LRMDA: variants seen among roughly 807,000 people sequenced by gnomAD.
LRMDA encodes leucine-rich melanocyte differentiation-associated protein.
Under a neutral mutation model 29.8 loss-of-function variants are expected in LRMDA, and 18 were observed. The observed-to-expected ratio is 0.60, with a 90% confidence interval of 0.42 to 0.90. The LOEUF (loss-of-function observed/expected upper bound fraction) is 0.90. Among genes scored for constraint, LRMDA ranks in the 40% least tolerant of loss-of-function variants. The pLI, the probability that LRMDA is intolerant of heterozygous loss-of-function variation, is 0.00. For missense variants in LRMDA, 273 were observed against 273.9 expected (o/e 1.00, Z 0.02); for synonymous variants, 125 against 109.4 (o/e 1.14, Z -0.89).
chr10:75,817,670 A>C (rs1321115332), intron 2 of LRMDA, among the ~76,000 whole-genome samples: 1 of 152,230 alleles, frequency 6.6e-6, no homozygotes, highest in African/African-American at 2.4e-5. Flanking sequence ...ATAAAAGAGA[A>C]GACACACATC....
intron 5 of LRMDA, among the ~76,000 whole-genome samples, chr10:76,304,858 C>T (rs573303267): frequency 1.3e-4 from 20 of 152,100 alleles, no homozygotes; most frequent in East Asian, 9.7e-4. Context: ...CAGTGCCCTG[C>T]GGGAGCAGGA....
chr10:76,106,616 C>T (rs1475014789), intron 5 of LRMDA, among the ~76,000 whole-genome samples: 1 of 152,156 alleles, frequency 6.6e-6, no homozygotes, highest in Non-Finnish European at 1.5e-5. Flanking sequence ...ATTTTTTCTC[C>T]CCCAGGCCCA....
At chr10:75,566,240 G>A (rs761670746) in intron 2 of LRMDA, among the ~76,000 whole-genome samples, 11 of 152,014 alleles carry the variant, frequency 7.2e-5, no homozygotes, top group South Asian at 2.1e-4. Context: ...CTCATTGCTC[G>A]TTCCTTCTCC....
At chr10:76,198,059 T>G (rs1452193939) in intron 5 of LRMDA, among the ~76,000 whole-genome samples, 1 of 152,218 alleles carries the variant, frequency 6.6e-6, no homozygotes, top group African/African-American at 2.4e-5. Context: ...AGTGATTCAG[T>G]AGGACCATGT....
chr10:76,544,411 A>G (rs73276755), intron 6 of LRMDA, among the ~76,000 whole-genome samples: 8,110 of 152,216 alleles, frequency 0.053, 270 homozygotes, highest in African/African-American at 0.088. Context: ...AACACCTGGT[A>G]CCACCCACTG....
At chr10:75,579,167 A>G (rs1020320710) in intron 2 of LRMDA, among the ~76,000 whole-genome samples, 10 of 152,204 alleles carry the variant, frequency 6.6e-5, no homozygotes, top group Non-Finnish European at 1.3e-4. Flanking sequence ...AAATAGATAG[A>G]CCACTAGCTA....
At chr10:76,256,064 G>A (rs775834564) in intron 5 of LRMDA, among the ~76,000 whole-genome samples, 10 of 152,280 alleles carry the variant, frequency 6.6e-5, no homozygotes, top group Non-Finnish European at 1.2e-4. Flanking sequence ...CCTGAATCCT[G>A]AAAGAGGGAA....
chr10:75,622,809 A>T (rs1459017229), intron 2 of LRMDA, among the ~76,000 whole-genome samples: 1 of 152,236 alleles, frequency 6.6e-6, no homozygotes, highest in African/African-American at 2.4e-5. Flanking sequence ...CACTGCTTTT[A>T]AAAATACCAA....
intron 2 of LRMDA, among the ~76,000 whole-genome samples, chr10:75,809,819 GC>G (rs764985136): frequency 1.1e-4 from 17 of 152,234 alleles, no homozygotes; most frequent in Non-Finnish European, 7.3e-5. Context: ...CAGGAGGTCA[GC>G]GAAGGCTTTC....
At chr10:75,819,623 T>C (rs1173223576) in intron 2 of LRMDA, among the ~76,000 whole-genome samples, 1 of 152,078 alleles carries the variant, frequency 6.6e-6, no homozygotes. Context: ...CCAGTGAAAT[T>C]TGGTGATTGG....
chr10:76,165,839 C>A (rs867097566), intron 5 of LRMDA, among the ~76,000 whole-genome samples: 2 of 152,212 alleles, frequency 1.3e-5, no homozygotes, highest in African/African-American at 4.8e-5. Context: ...ATAGTGGGAG[C>A]TACAATTCAA....
chr10:75,771,991 A>G (rs962660438), intron 2 of LRMDA, among the ~76,000 whole-genome samples: 1 of 152,198 alleles, frequency 6.6e-6, no homozygotes, highest in Non-Finnish European at 1.5e-5. Flanking sequence ...GGAAAGCAGT[A>G]TGTAATAGTA....
intron 6 of LRMDA, among the ~76,000 whole-genome samples, chr10:76,541,289 T>A (rs1843351870): frequency 6.6e-6 from 1 of 152,024 alleles, no homozygotes; most frequent in Admixed American, 6.6e-5. Flanking sequence ...TTACTTGAGG[T>A]CAGGAGGTCG....
intron 2 of LRMDA, among the ~76,000 whole-genome samples, chr10:75,898,695 TG>T (rs1845624195): frequency 6.6e-6 from 1 of 152,022 alleles, no homozygotes; most frequent in Admixed American, 6.6e-5. Context: ...ACTCAAGAAA[TG>T]TCTAAGATAA....
intron 5 of LRMDA, among the ~76,000 whole-genome samples, chr10:76,079,522 T>C (rs1849016889): frequency 6.6e-6 from 1 of 152,140 alleles, no homozygotes; most frequent in African/African-American, 2.4e-5. Flanking sequence ...CAATAAAGTC[T>C]CATTGAGTTG....
At chr10:75,757,591 C>G (rs925194891) in intron 2 of LRMDA, among the ~76,000 whole-genome samples, 2 of 152,068 alleles carry the variant, frequency 1.3e-5, no homozygotes, top group African/African-American at 4.8e-5. Flanking sequence ...GTCTTGACCA[C>G]TTTTCCGTCT....
intron 2 of LRMDA, among the ~76,000 whole-genome samples, chr10:75,894,145 T>C (rs922780838): frequency 6.6e-6 from 1 of 152,160 alleles, no homozygotes; most frequent in Non-Finnish European, 1.5e-5. Context: ...CAGTATACAC[T>C]GCATCCTATT....
Position 76,319,948 on chromosome 10 carries a change from C to T in LRMDA, c.517-4453C>T, listed in dbSNP as rs566500065. On this transcript the variant is annotated intron_variant, in intron 5 of 6. Transcript: ENST00000611255. ...CTTTGTAGCTGCCCCCTTCTTGTTTCGAAGTCTGCCAAATCTCTCCTCCTG... is the reference window on the plus strand; with the variant it reads ...CTTTGTAGCTGCCCCCTTCTTGTTTTGAAGTCTGCCAAATCTCTCCTCCTG... Among the ~76,000 whole-genome samples, 92 of 152,264 alleles carry T rather than the reference C, an allele frequency of 6.0e-4. 1 individual carries two copies. Among genetic ancestry groups the T allele is most frequent in the African/African-American group, 2.0e-3 (85 of 41,546 alleles).
rs544536333 is a variant in LRMDA at position 76,409,617 on chromosome 10, T to C, written c.601+85132T>C. On this transcript the variant is annotated intron_variant, in intron 6 of 6. Transcript: ENST00000611255. ...GTTGTGATCCTGTTGAAAATTGACA[T>C]TTTTATTTTACTTTTTCAATGAACA... 1.1e-4 allele frequency among the ~76,000 whole-genome samples: 17 copies of C among 152,256 alleles called. No individual in the cohort carries two copies. In the East Asian group the frequency reaches 3.1e-3, roughly 28 times the overall value.
Sources: gnomAD v4.1 joint callset for allele counts (sites outside exome capture counted in the v4.1 genomes callset) on GRCh38, gnomAD v4.1.1 for gene constraint, MANE v1.5 for transcripts, NCBI Gene and HGNC (gene_info 2026-07-23, HGNC 2026-07-21) for gene names.